The following MCF2L2 variants were observed in gnomAD, a reference collection of about 807,000 sequenced individuals.
The protein encoded by MCF2L2 is MCF.2 cell line derived transforming sequence-like 2, also known as probable guanine nucleotide exchange factor MCF2L2.
MCF2L2 carries 102 observed loss-of-function variants against 150.2 expected under a neutral mutation model. The observed-to-expected ratio is 0.68, with a 90% CI of 0.58 to 0.80. MCF2L2 has a LOEUF of 0.80. Among genes scored for constraint, MCF2L2 ranks in the 30% least tolerant of loss-of-function variants. The pLI, the probability that MCF2L2 is intolerant of heterozygous loss-of-function variation, is 0.00. For missense variants in MCF2L2, 1,256 were observed against 1,372.8 expected (o/e 0.91, Z 1.34); for synonymous variants, 465 against 491.3 (o/e 0.95, Z 0.71).
At chr3:183,224,233 T>C in intron 18 of MCF2L2, 43 bp from the exon 19 acceptor site, 1 of 1,260,132 alleles carries the variant, frequency 7.9e-7, no homozygotes, top group Non-Finnish European at 1.2e-6. Context: ...GGCAGCATTT[T>C]TCAGTAAGTG....
At chr3:183,265,084 C>T (rs1231702915) in intron 15 of MCF2L2, among the ~76,000 whole-genome samples, 1 of 152,190 alleles carries the variant, frequency 6.6e-6, no homozygotes, top group Non-Finnish European at 1.5e-5. Flanking sequence ...TTTCTATTTC[C>T]TATTTTCAGC....
intron 1 of MCF2L2, among the ~76,000 whole-genome samples, chr3:183,392,339 G>A (rs758464207): frequency 5.9e-5 from 9 of 152,096 alleles, no homozygotes; most frequent in East Asian, 1.9e-4. Flanking sequence ...CCTCGGCCAC[G>A]CGTGATAGAG....
intron 3 of MCF2L2, among the ~76,000 whole-genome samples, chr3:183,347,943 AC>A (rs1168844562): frequency 6.6e-6 from 1 of 152,182 alleles, no homozygotes; most frequent in Non-Finnish European, 1.5e-5. Flanking sequence ...ACGCTTTTAC[AC>A]TGTTGGTAGG....
At chr3:183,221,745 C>T (rs1723156407) in intron 20 of MCF2L2, among the ~76,000 whole-genome samples, 2 of 152,192 alleles carry the variant, frequency 1.3e-5, no homozygotes, top group Non-Finnish European at 1.5e-5. Flanking sequence ...GTGCTGCTCG[C>T]TGAAAGAAGC....
chr3:183,408,418 C>T (rs930083792), intron 1 of MCF2L2, among the ~76,000 whole-genome samples: 6 of 152,296 alleles, frequency 3.9e-5, no homozygotes, highest in Admixed American at 2.6e-4. Context: ...GCCCCCATTA[C>T]ACCTGAGGAG....
At chr3:183,189,569 T>A (rs182464233) in intron 27 of MCF2L2, among the ~76,000 whole-genome samples, 101 of 152,262 alleles carry the variant, frequency 6.6e-4, no homozygotes, top group Non-Finnish European at 1.2e-3. Flanking sequence ...AGGAATCCTA[T>A]CTCTTTGTCC....
At chr3:183,424,506 T>C (rs1716060832) in intron 1 of MCF2L2, among the ~76,000 whole-genome samples, 1 of 152,240 alleles carries the variant, frequency 6.6e-6, no homozygotes, top group African/African-American at 2.4e-5. Context: ...AAACATTTAT[T>C]CTGCATCTCC....
At chr3:183,291,669 T>C (rs529790623) in intron 13 of MCF2L2, among the ~76,000 whole-genome samples, 2 of 152,356 alleles carry the variant, frequency 1.3e-5, no homozygotes, top group East Asian at 1.9e-4. Context: ...ACAAAAATGT[T>C]TGAAAATCCT....
At chr3:183,388,756 G>A (rs553749031) in intron 2 of MCF2L2, among the ~76,000 whole-genome samples, 1 of 152,326 alleles carries the variant, frequency 6.6e-6, no homozygotes, top group East Asian at 1.9e-4. Context: ...CAATGCTGGG[G>A]TGGGGAGAAA....
chr3:183,197,557 A>G lies in MCF2L2; in HGVS notation c.2885-2302T>C, dbSNP rs977568095. Among the ~76,000 whole-genome samples the G allele has an allele frequency of 1.3e-5, 2 of 152,210 alleles. No individual in the cohort carries two copies. The highest frequency in any genetic ancestry group is 2.9e-5 in the Non-Finnish European group (2 of 68,030). ...GGGAGAAAATCTTTATGGCTTTTAG[A>G]TAACGATTTCTTAGGCAGGATACCG... is the stretch of plus-strand genomic sequence containing the variant. On this transcript the variant is annotated intron_variant, in intron 25 of 29. Coordinates refer to ENST00000328913, the MANE Select transcript of MCF2L2 (RefSeq NM_015078.4). The surrounding 1 kb of genome is among the most constrained non-coding windows in gnomAD (Gnocchi z 4.5).
intron 16 of MCF2L2, 139 bp from the exon 17 acceptor site, chr3:183,229,920 A>C: frequency 2.2e-6 from 1 of 445,038 alleles, no homozygotes; most frequent in East Asian, 3.4e-5. Context: ...TATCGTATTG[A>C]GTACTTTCTT....
intron 15 of MCF2L2, among the ~76,000 whole-genome samples, chr3:183,275,776 G>A (rs1375538853): frequency 6.6e-6 from 1 of 152,008 alleles, no homozygotes; most frequent in East Asian, 1.9e-4. Context: ...ACCACATCCC[G>A]CTAAATGTTT....
chr3:183,195,508 G>C (rs545180459), intron 25 of MCF2L2, among the ~76,000 whole-genome samples: 3 of 151,944 alleles, frequency 2.0e-5, no homozygotes, highest in African/African-American at 7.3e-5. Flanking sequence ...ATTGGTTCTG[G>C]GTCTGTCCAA....
At chr3:183,340,882 G>A (rs1730670327) in intron 4 of MCF2L2, among the ~76,000 whole-genome samples, 2 of 152,224 alleles carry the variant, frequency 1.3e-5, no homozygotes, top group African/African-American at 4.8e-5. Context: ...GGCAGAGGTT[G>A]CAGTCAGCTG....
At chr3:183,378,961 A>G (rs1033599577) in intron 3 of MCF2L2, 2 of 191,956 alleles carry the variant, frequency 1.0e-5, no homozygotes, top group Non-Finnish European at 2.1e-5. Flanking sequence ...TGGGCAACAG[A>G]GCAAGACTCC....
chr3:183,206,143 T>C lies in MCF2L2; in HGVS notation c.2784A>G (p.Gly928=), dbSNP rs1208206981. Residue 928 remains glycine, a synonymous_variant, in exon 24 of 30, where the codon GGA becomes GGG. Coordinates refer to ENST00000328913, the MANE Select transcript of MCF2L2 (RefSeq NM_015078.4). The part of the protein sequence containing the change: ...HRKFEIASRN[G]LEKYILQAAS... ...TTACCTGCAGGATGTATTTCTCAAG[T>C]CCATTTCGACTGGCAATCTCAAACT... 3.1e-6 allele frequency: 5 copies of C among 1,614,038 alleles called. No individual in the cohort carries two copies. In the East Asian group the frequency reaches 1.1e-4, roughly 36 times the overall value.
At chr3:183,377,869 C>T (rs914989823) in intron 3 of MCF2L2, 3 of 152,034 alleles carry the variant, frequency 2.0e-5, no homozygotes, top group Non-Finnish European at 4.4e-5. Context: ...AAAGGATTCC[C>T]CACATCCTTA....
chr3:183,371,630 G>T (rs1173467160), intron 3 of MCF2L2, among the ~76,000 whole-genome samples: 4 of 134,464 alleles, frequency 3.0e-5, no homozygotes, highest in African/African-American at 1.4e-4. Flanking sequence ...ACCAGGCCCA[G>T]ATAATTTTTC....
chr3:183,268,156 G>A (rs1007803675), intron 15 of MCF2L2, among the ~76,000 whole-genome samples: 1 of 152,224 alleles, frequency 6.6e-6, no homozygotes, highest in Non-Finnish European at 1.5e-5. Context: ...CTGGTGTAAA[G>A]ACCAGGGCAT....
Sources: gnomAD v4.1 joint callset for allele counts (sites outside exome capture counted in the v4.1 genomes callset) on GRCh38, gnomAD v4.1.1 for gene constraint, Gnocchi (gnomAD v3.1) non-coding constraint, MANE v1.5 for transcripts, NCBI Gene and HGNC (gene_info 2026-07-23, HGNC 2026-07-21) for gene names.